The following MEGF6 variants were observed in gnomAD, a reference collection of about 807,000 sequenced individuals.
The protein encoded by MEGF6 is multiple EGF like domains 6, also known as multiple epidermal growth factor-like domains protein 6.
In MEGF6, 184 loss-of-function variants were observed where a neutral mutation model predicts 207.1. The observed-to-expected ratio is 0.89, with a 90% CI of 0.79 to 1.00. The LOEUF (loss-of-function observed/expected upper bound fraction) is 1.00, where lower values mean the gene tolerates loss of function less well. MEGF6 is among the 50% of genes least tolerant of loss of function. The pLI, the probability that MEGF6 is intolerant of heterozygous loss-of-function variation, is 0.00. For missense variants in MEGF6, 2,282 were observed against 2,202.9 expected (o/e 1.04, Z -0.72); for synonymous variants, 1,038 against 910.0 (o/e 1.14, Z -2.53).
At chr1:3,551,532 C>A (rs931774646) in intron 4 of MEGF6, among the ~76,000 whole-genome samples, 7 of 152,164 alleles carry the variant, frequency 4.6e-5, no homozygotes, top group African/African-American at 9.7e-5. Context: ...GGCTGGAAAC[C>A]CTCCCTGGCC....
chr1:3,592,478 A>C (rs1643995483), intron 3 of MEGF6, among the ~76,000 whole-genome samples: 1 of 152,106 alleles, frequency 6.6e-6, no homozygotes, highest in Non-Finnish European at 1.5e-5. Flanking sequence ...CCACAGGAGA[A>C]GCATCTGCTC....
chr1:3,498,910 G>A, intron 24 of MEGF6, 84 bp from the exon 25 acceptor site: 1 of 1,508,952 alleles, frequency 6.6e-7, no homozygotes, highest in Admixed American at 2.0e-5. Flanking sequence ...CCCCATGTTG[G>A]ACTTTGGGGT....
intron 17 of MEGF6, among the ~76,000 whole-genome samples, chr1:3,503,500 A>G (rs1640985206): frequency 6.6e-6 from 1 of 151,832 alleles, no homozygotes; most frequent in South Asian, 2.1e-4. Flanking sequence ...GCAGGGGAGG[A>G]GCCTTCCTCC....
At chr1:3,592,446 T>C (rs1289197474) in intron 3 of MEGF6, among the ~76,000 whole-genome samples, 1 of 152,038 alleles carries the variant, frequency 6.6e-6, no homozygotes, top group African/African-American at 2.4e-5. Flanking sequence ...TCCTCACTCC[T>C]GCAGGCCTCG....
intron 4 of MEGF6, among the ~76,000 whole-genome samples, chr1:3,544,236 C>G (rs538688870): frequency 6.7e-6 from 1 of 150,138 alleles, no homozygotes; most frequent in Non-Finnish European, 1.5e-5. Context: ...CCCTCTCCCC[C>G]CAGCATCGCA....
At chr1:3,592,697 C>G (rs1216550281) in intron 3 of MEGF6, among the ~76,000 whole-genome samples, 1 of 152,180 alleles carries the variant, frequency 6.6e-6, no homozygotes, top group African/African-American at 2.4e-5. Context: ...AACCCTGACT[C>G]CTACCCACCC....
chr1:3,490,802 C>G (rs1009682351), intron 36 of MEGF6, 110 bp downstream of exon 36: 3 of 1,395,402 alleles, frequency 2.1e-6, no homozygotes, highest in African/African-American at 2.9e-5. Context: ...CCCAAGGCCC[C>G]GGGTGCAGCT....
Position 3,597,942 on chromosome 1 carries a change from GACAACTGCTC to G in MEGF6, c.267-2505_267-2496del, listed in dbSNP as rs1383121865. The stretch of plus-strand genomic sequence containing the variant: ...GCTCTGAGGCCTTTGTGTTTGCAAG[GACAACTGCTC>G]ACGTGCATGTGAGCAGCGGGAGGAT... On this transcript the variant is annotated intron_variant, in intron 2 of 36. Coordinates refer to ENST00000356575, the MANE Select transcript of MEGF6 (RefSeq NM_001409.4). Among the ~76,000 whole-genome samples, 3 of 152,354 alleles carry G rather than the reference GACAACTGCTC, an allele frequency of 2.0e-5. No homozygotes were observed. In the East Asian group the frequency reaches 5.8e-4, roughly 29 times the overall value.
chr1:3,522,796 C>G (rs907646400), intron 5 of MEGF6, among the ~76,000 whole-genome samples: 4 of 152,132 alleles, frequency 2.6e-5, no homozygotes, highest in Non-Finnish European at 5.9e-5. Flanking sequence ...GGCTGCCCTT[C>G]TACAAGGAAT....
At chr1:3,589,571 C>T (rs1043248381) in intron 3 of MEGF6, among the ~76,000 whole-genome samples, 4 of 152,204 alleles carry the variant, frequency 2.6e-5, no homozygotes, top group African/African-American at 9.7e-5. Context: ...GCCCCTTCCT[C>T]CTGCCTCACT....
At chr1:3,527,997 A>G (rs1277070775) in intron 4 of MEGF6, among the ~76,000 whole-genome samples, 1 of 152,232 alleles carries the variant, frequency 6.6e-6, no homozygotes, top group Non-Finnish European at 1.5e-5. Context: ...TGGCAGTGGC[A>G]GGGGGCTGTG....
Position 3,611,432 on chromosome 1 carries a change from G to A in MEGF6, c.-164C>T. ...TGCGGAGCGTCCCGGCTTCCCGCCC[G>A]CGCCCAAAGTGGCACCGCGGAGACC... On this transcript the variant is annotated 5_prime_UTR_variant, in exon 1 of 37. Transcript: ENST00000356575. 9.6e-7 allele frequency: 1 copy of A among 1,046,842 alleles called. No homozygotes were observed. The highest frequency in any genetic ancestry group is 1.3e-6 in the Non-Finnish European group (1 of 792,796). The allele number at this position is 1,046,842 out of a possible 1,614,324, so 64.8% of individuals were successfully genotyped here.
intron 2 of MEGF6, among the ~76,000 whole-genome samples, chr1:3,601,049 G>A (rs1454361362): frequency 2.0e-5 from 3 of 152,192 alleles, no homozygotes; most frequent in Non-Finnish European, 4.4e-5. Context: ...CCAAGCAGGG[G>A]GACTTTGTCC....
intron 18 of MEGF6, 123 bp downstream of exon 18, chr1:3,501,673 C>T: frequency 1.5e-6 from 2 of 1,353,914 alleles, no homozygotes. Context: ...GCACTGTGAG[C>T]TCTCACACCT....
At chr1:3,542,508 C>T (rs1295128565) in intron 4 of MEGF6, among the ~76,000 whole-genome samples, 3 of 152,106 alleles carry the variant, frequency 2.0e-5, no homozygotes, top group African/African-American at 2.4e-5. Context: ...TCCTGGTCCC[C>T]GAGGACCATG....
In MEGF6 at chr1:3,501,082, C is replaced by T. The variant is rs1023106152; in HGVS notation, c.2459G>A (p.Gly820Asp). Residue 820 changes from glycine (G) to aspartate (D), a missense_variant, in exon 20 of 37, where the codon GGC (glycine) becomes GAC (aspartate). Physicochemically the swap from Gly to Asp is moderately conservative, Grantham distance 94. Transcript: ENST00000356575. ...GSRCQDVCPAGWYGPSCQTRC... is the reference protein window; with the variant it reads ...GSRCQDVCPADWYGPSCQTRC... Reference sequence around the variant, plus strand: ...TGTCTGGCAGCTGGGACCATACCAGCCTGCTGGGCACACTACAGGCAGGCG... The same window carrying T: ...TGTCTGGCAGCTGGGACCATACCAGTCTGCTGGGCACACTACAGGCAGGCG... The T allele has an allele frequency of 2.5e-6, 4 of 1,612,730 alleles. No homozygotes were observed. Among genetic ancestry groups the T allele is most frequent in the Admixed American group, 1.7e-5 (1 of 60,014 alleles).
intron 17 of MEGF6, among the ~76,000 whole-genome samples, chr1:3,504,168 C>T (rs1417208748): frequency 6.6e-6 from 1 of 152,066 alleles, no homozygotes; most frequent in Non-Finnish European, 1.5e-5. Context: ...TGGCGCCGGG[C>T]TTCTCGCTCT....
rs118038352 is a variant in MEGF6 at position 3,571,675 on chromosome 1, A to T, written c.481+8150T>A. Reference sequence around the variant, plus strand: ...CCTGGGTGTGCTAGGTCCTTCCTGCATATGCTGGTTCCTTCCTGGCGTGCT... The same window carrying T: ...CCTGGGTGTGCTAGGTCCTTCCTGCTTATGCTGGTTCCTTCCTGGCGTGCT... On this transcript the variant is annotated intron_variant, in intron 4 of 36. Coordinates refer to ENST00000356575, the MANE Select transcript of MEGF6 (RefSeq NM_001409.4). 4.9e-3 allele frequency among the ~76,000 whole-genome samples: 614 copies of T among 125,488 alleles called. 14 individuals are homozygous for T. In the East Asian group the frequency reaches 0.06, roughly 12 times the overall value. 82.3% of individuals were successfully genotyped at this position (125,488 alleles called of 152,430 possible).
At position 3,611,243 on chromosome 1, in the gene MEGF6, G is replaced by T; in HGVS notation, c.26C>A (p.Ala9Glu). 1 of 1,522,692 alleles carries T rather than the reference G, an allele frequency of 6.6e-7. No homozygotes were observed. Among genetic ancestry groups the T allele is most frequent in the Non-Finnish European group, 8.7e-7 (1 of 1,146,194 alleles). The allele number at this position is 1,522,692 out of a possible 1,614,324, so 94.3% of individuals were successfully genotyped here. Residue 9 changes from alanine (A) to glutamate (E), a missense_variant, in exon 1 of 37, where the codon GCA becomes GAA. Ala to Glu is a moderately radical substitution (Grantham distance 107, BLOSUM62 -1). Transcript: ENST00000356575. MSFLEEAR[A>E]AGRAVVLALV... ...CGCCAGGACCACCGCGCGCCCCGCT[G>T]CCCTCGCCTCTTCAAGGAACGACAT...
Sources: gnomAD v4.1 joint callset for allele counts (sites outside exome capture counted in the v4.1 genomes callset) on GRCh38, gnomAD v4.1.1 for gene constraint, MANE v1.5 for transcripts, NCBI Gene and HGNC (gene_info 2026-07-23, HGNC 2026-07-21) for gene names.